The following SLC39A9 variants were observed in gnomAD, a reference collection of about 807,000 sequenced individuals.
SLC39A9 encodes solute carrier family 39 member 9.
In SLC39A9, 14 loss-of-function variants were observed where a neutral mutation model predicts 28.4. That is an observed-to-expected ratio of 0.49 (90% CI 0.33 to 0.77). SLC39A9 has a LOEUF of 0.77. Ranked by LOEUF, SLC39A9 falls within the 30% of genes least tolerant of loss-of-function variation. SLC39A9 has a pLI of 0.02. For synonymous variants in SLC39A9, 119 were observed against 149.6 expected (o/e 0.80, Z 1.49); for missense variants, 283 against 381.1 (o/e 0.74, Z 2.14).
At chr14:69,454,479 G>A (rs1239094784) in intron 4 of SLC39A9, among the ~76,000 whole-genome samples, 1 of 152,136 alleles carries the variant, frequency 6.6e-6, no homozygotes, top group Non-Finnish European at 1.5e-5. Flanking sequence ...TCCCTTGTTA[G>A]AATTTGATTA....
At chr14:69,454,735 G>A (rs1251762416) in intron 4 of SLC39A9, 77 bp from the exon 5 acceptor site, 1 of 1,207,618 alleles carries the variant, frequency 8.3e-7, no homozygotes, top group African/African-American at 1.5e-5. Flanking sequence ...TGACTGTAAA[G>A]CTCATACACT....
At chr14:69,401,728 C>T (rs1375743336) in intron 1 of SLC39A9, among the ~76,000 whole-genome samples, 2 of 152,080 alleles carry the variant, frequency 1.3e-5, no homozygotes, top group Non-Finnish European at 2.9e-5. Flanking sequence ...GTCAGATGGT[C>T]TTTTCCAGCT....
intron 3 of SLC39A9, among the ~76,000 whole-genome samples, chr14:69,452,854 TC>T (rs1885678915): frequency 6.6e-6 from 1 of 152,066 alleles, no homozygotes; most frequent in South Asian, 2.1e-4. Flanking sequence ...AAAGAAATGA[TC>T]AGAGGCCATA....
chr14:69,409,446 C>G (rs981293025), intron 1 of SLC39A9, among the ~76,000 whole-genome samples: 1 of 152,158 alleles, frequency 6.6e-6, no homozygotes, highest in Non-Finnish European at 1.5e-5. Context: ...CCAAGCGATC[C>G]TTCTACCTCA....
intron 1 of SLC39A9, among the ~76,000 whole-genome samples, chr14:69,402,828 T>A (rs1882711265): frequency 1.3e-5 from 2 of 152,228 alleles, no homozygotes; most frequent in South Asian, 4.1e-4. Flanking sequence ...ACGCCTGTAA[T>A]CCCAGCACTT....
upstream of SLC39A9, chr14:69,398,580 G>A (rs1882438357): frequency 2.8e-6 from 1 of 358,056 alleles, no homozygotes; most frequent in East Asian, 6.1e-5. Context: ...TCTTTCATTA[G>A]CCCTACTCAA....
In SLC39A9 at chr14:69,461,912, C is replaced by A. The variant is rs1028872840; in HGVS notation, c.*3319C>A. On this transcript the variant is annotated 3_prime_UTR_variant, in exon 7 of 7. Coordinates refer to ENST00000336643, the MANE Select transcript of SLC39A9 (RefSeq NM_018375.5). Reference sequence around the variant, plus strand: ...TAAGTGAAAATCCTCTGTAGTTGTTCTGCAGAGGAACCTTCCTTCCATTAG... The same window carrying A: ...TAAGTGAAAATCCTCTGTAGTTGTTATGCAGAGGAACCTTCCTTCCATTAG... 4 of 607,910 alleles carry A rather than the reference C, an allele frequency of 6.6e-6. No individual in the cohort carries two copies. The highest frequency in any genetic ancestry group is 1.1e-5 in the Non-Finnish European group (4 of 369,770). The allele number at this position is 607,910 out of a possible 1,614,324, so 37.7% of individuals were successfully genotyped here. A position where few individuals can be genotyped will look rare whatever the true frequency, so the allele number is the denominator to read the frequency against.
At chr14:69,426,919 TACACAC>T (rs1312548692) in intron 2 of SLC39A9, among the ~76,000 whole-genome samples, 1 of 152,098 alleles carries the variant, frequency 6.6e-6, no homozygotes, top group Non-Finnish European at 1.5e-5. Context: ...TACACATATG[TACACAC>T]ATACACACAC....
At chr14:69,420,112 TTA>T (rs1355213336) in intron 1 of SLC39A9, among the ~76,000 whole-genome samples, 3 of 152,158 alleles carry the variant, frequency 2.0e-5, no homozygotes, top group African/African-American at 7.2e-5. Context: ...TTGCAATTTG[TTA>T]TGTTTTTGCA....
chr14:69,398,441 AGGC>A, upstream of SLC39A9: 1 of 641,010 alleles, frequency 1.6e-6, no homozygotes, highest in Admixed American at 2.9e-5. Flanking sequence ...TCTTCGATAA[AGGC>A]AAAAAGGTAA....
Position 69,453,227 on chromosome 14 carries a change from C to T in SLC39A9, c.404-14C>T, listed in dbSNP as rs373545790. Reference sequence around the variant, plus strand: ...TCACATAGCTTAACGCTGTCTTTCTCATTTTCACTTTAGATCCAGAAGCAG... The same window carrying T: ...TCACATAGCTTAACGCTGTCTTTCTTATTTTCACTTTAGATCCAGAAGCAG... On this transcript the variant is annotated splice_polypyrimidine_tract_variant and intron_variant, in intron 3 of 6. Coordinates refer to ENST00000336643, the MANE Select transcript of SLC39A9 (RefSeq NM_018375.5). The T allele has an allele frequency of 1.9e-6, 3 of 1,611,562 alleles. No homozygotes were observed. Among genetic ancestry groups the T allele is most frequent in the Non-Finnish European group, 1.7e-6 (2 of 1,177,788 alleles).
At chr14:69,414,050 CT>C (rs1186216595) in intron 1 of SLC39A9, among the ~76,000 whole-genome samples, 15,931 of 131,996 alleles carry the variant, frequency 0.12, 702 homozygotes, top group Middle Eastern at 0.24. Flanking sequence ...ATTTCATATT[CT>C]TTTTTTTTTT....
rs1004555804 is a variant in SLC39A9, at chr14:69,462,060, G to A, written c.*3467G>A. ...TCACCTCAGGAGGCCTGAAGGAAAT[G>A]TGTAACTTGTGGGAAAGAACTAGAC... On this transcript the variant is annotated 3_prime_UTR_variant, in exon 7 of 7. Coordinates refer to ENST00000336643, the MANE Select transcript of SLC39A9 (RefSeq NM_018375.5). The A allele has an allele frequency of 9.0e-5, 19 of 210,838 alleles. No homozygotes were observed. The highest frequency in any genetic ancestry group is 4.1e-4 in the African/African-American group (18 of 43,826). The allele number at this position is 210,838 out of a possible 1,614,324, so 13.1% of individuals were successfully genotyped here.
chr14:69,418,067 C>T (rs1883672847), intron 1 of SLC39A9, among the ~76,000 whole-genome samples: 2 of 152,098 alleles, frequency 1.3e-5, no homozygotes, highest in African/African-American at 4.8e-5. Context: ...GGAATGCTTC[C>T]AGTTTTTGCC....
chr14:69,412,390 AAAATAAAT>A (rs201794769), intron 1 of SLC39A9, among the ~76,000 whole-genome samples: 519 of 142,258 alleles, frequency 3.6e-3, no homozygotes, highest in South Asian at 8.9e-3. Flanking sequence ...CTCCATCTCA[AAAATAAAT>A]AAATAAATAA....
chr14:69,432,546 T>C (rs900928539), intron 2 of SLC39A9, among the ~76,000 whole-genome samples: 2 of 152,180 alleles, frequency 1.3e-5, no homozygotes, highest in African/African-American at 4.8e-5. Context: ...AGAGGCTGTT[T>C]AGTTTTATTA....
chr14:69,459,637 C>G lies in SLC39A9; in HGVS notation c.*1044C>G, dbSNP rs1476737499. 1 of 983,882 alleles carries G rather than the reference C, an allele frequency of 1.0e-6. No homozygotes were observed. Among genetic ancestry groups the G allele is most frequent in the Non-Finnish European group, 1.2e-6 (1 of 829,340 alleles). The allele number at this position is 983,882 out of a possible 1,614,324, so 60.9% of individuals were successfully genotyped here. A position where few individuals can be genotyped will look rare whatever the true frequency, so the allele number is the denominator to read the frequency against. On this transcript the variant is annotated 3_prime_UTR_variant, in exon 7 of 7. Coordinates refer to ENST00000336643, the MANE Select transcript of SLC39A9 (RefSeq NM_018375.5). ...AAATACTAGGTCAGCTTTGGCGACA[C>G]TGTGTCTTCTCACATAACCACCTGT...
intron 1 of SLC39A9, among the ~76,000 whole-genome samples, chr14:69,407,282 T>TTTCCTTCCTTCCCTTCCTTCCCTTCC (rs1882976054): frequency 6.8e-6 from 1 of 147,278 alleles, no homozygotes; most frequent in East Asian, 2.0e-4. Context: ...CTTTCTTTCC[T>TTTCCTTCCTTCCCTTCCTTCCCTTCC]TTCCTTCCTT....
chr14:69,409,983 G>T lies in SLC39A9; in HGVS notation c.96+10518G>T, dbSNP rs116086520. ...AAAGGTATATTTACTATTTTAGTCT[G>T]CTCGGTTCAGTTGAACTCTTATGTA... is the stretch of plus-strand genomic sequence containing the variant. On this transcript the variant is annotated intron_variant, in intron 1 of 6. Transcript: ENST00000336643. Among the ~76,000 whole-genome samples, 458 of 152,238 alleles carry T rather than the reference G, an allele frequency of 3.0e-3. 3 individuals are homozygous for T. The highest frequency in any genetic ancestry group is 0.011 in the African/African-American group (437 of 41,528).
Sources: gnomAD v4.1 joint callset for allele counts (sites outside exome capture counted in the v4.1 genomes callset) on GRCh38, gnomAD v4.1.1 for gene constraint, MANE v1.5 for transcripts, NCBI Gene and HGNC (gene_info 2026-07-23, HGNC 2026-07-21) for gene names.